Variants in MAP2K2 observed in about 807,000 individuals in gnomAD.
MAP2K2 encodes dual specificity mitogen-activated protein kinase kinase 2.
A neutral mutation model predicts 43.7 loss-of-function variants in MAP2K2; 24 were observed. The observed-to-expected ratio is 0.55, with a 90% CI of 0.40 to 0.77. The LOEUF (loss-of-function observed/expected upper bound fraction) is 0.77, where lower values mean the gene tolerates loss of function less well. MAP2K2 is among the 30% of genes least tolerant of loss of function. MAP2K2 has a pLI of 0.00. For synonymous variants in MAP2K2, 244 were observed against 239.7 expected, an observed-to-expected ratio of 1.02 and a Z score of -0.17; for missense variants, 470 against 566.8, an observed-to-expected ratio of 0.83 and a Z score of 1.73.
intron 1 of MAP2K2, among the ~76,000 whole-genome samples, chr19:4,122,183 T>C (rs1425040846): frequency 9.1e-5 from 1 of 11,018 alleles, no homozygotes; most frequent in Non-Finnish European, 1.5e-4. Flanking sequence ...CTCTCCCCCA[T>C]AGGAACCCTC....
intron 1 of MAP2K2, among the ~76,000 whole-genome samples, chr19:4,123,136 A>G (rs1487510388): frequency 6.7e-6 from 1 of 149,628 alleles, no homozygotes; most frequent in Non-Finnish European, 1.5e-5. Flanking sequence ...CTTCACCCTC[A>G]TTTCACTACT....
intron 6 of MAP2K2, chr19:4,100,648 T>G: frequency 3.5e-6 from 1 of 285,082 alleles, no homozygotes; most frequent in Non-Finnish European, 6.8e-6. Flanking sequence ...AGACCCCGTG[T>G]CTACAAAAGA....
At chr19:4,120,890 C>A (rs751091304) in intron 1 of MAP2K2, among the ~76,000 whole-genome samples, 14 of 145,410 alleles carry the variant, frequency 9.6e-5, no homozygotes, top group Non-Finnish European at 1.9e-4. Flanking sequence ...CCGTGTCTGG[C>A]TGTGCCCGTG....
intron 1 of MAP2K2, among the ~76,000 whole-genome samples, chr19:4,120,829 G>A (rs147325907): frequency 4.9e-4 from 75 of 152,274 alleles, no homozygotes; most frequent in African/African-American, 1.8e-3. Flanking sequence ...AACCCCACAC[G>A]GAAGAGAAAT....
chr19:4,123,542 G>GTCCTCCGAGGGCCCCCTGCCCCGTCC (rs1179803199), intron 1 of MAP2K2, among the ~76,000 whole-genome samples: 1 of 25,250 alleles, frequency 4.0e-5, no homozygotes. Flanking sequence ...CCTTCGCCCC[G>GTCCTCCGAGGGCCCCCTGCCCCGTCC]TCCTCCGAGG....
chr19:4,110,492 GC>G lies in MAP2K2; in HGVS notation c.450+16del. ...CCGTGGAGGCCCTGCCCCTGCCCCT[GC>G]CCCGGACGCACTCACCATGTGTTCC... On this transcript the variant is annotated intron_variant, in intron 3 of 10. Coordinates refer to ENST00000262948, the MANE Select transcript of MAP2K2 (RefSeq NM_030662.4). The G allele has an allele frequency of 6.2e-7, 1 of 1,612,294 alleles. No homozygotes were observed.
rs2041027086 is a variant in MAP2K2 at position 4,102,418 on chromosome 19, G to A, written c.486C>T (p.Ala162=). The A allele has an allele frequency of 6.2e-7, 1 of 1,606,780 alleles. No individual in the cohort carries two copies. The highest frequency in any genetic ancestry group is 8.5e-7 in the Non-Finnish European group (1 of 1,177,516). Residue 162 remains alanine (A), a synonymous_variant, in exon 4 of 11, where the codon GCC becomes GCT. Coordinates refer to ENST00000262948, the MANE Select transcript of MAP2K2 (RefSeq NM_030662.4). ...GGSLDQVLKE[A]KRIPEEILGK... ...CCAGGATCTCCTCGGGAATCCTCTT[G>A]GCCTCTTTCAGCACCTGGTCCAGGG...
At chr19:4,102,779 C>T (rs913926892) in intron 3 of MAP2K2, 32 of 1,263,108 alleles carry the variant, frequency 2.5e-5, no homozygotes, top group Non-Finnish European at 3.2e-5. Flanking sequence ...CGGCCGGGGG[C>T]TCAGGCAGCT....
chr19:4,099,432 A>AG lies in MAP2K2; in HGVS notation c.706-19dup. 1 of 1,583,734 alleles carries AG rather than the reference A, an allele frequency of 6.3e-7. No individual in the cohort carries two copies. Among genetic ancestry groups the AG allele is most frequent in the African/African-American group, 1.3e-5 (1 of 74,238 alleles). On this transcript the variant is annotated intron_variant, in intron 6 of 10. Transcript: ENST00000262948. ...CGCTCCGGCTGCAGCAGAGCCAGGG[A>AG]GGAAAGAGCCCAGAGGGGCGAGGAT...
At chr19:4,094,892 C>T in intron 9 of MAP2K2, 1 of 395,152 alleles carries the variant, frequency 2.5e-6, no homozygotes, top group Non-Finnish European at 4.7e-6. Flanking sequence ...CCACGGCGTC[C>T]CGAGCTCACA....
chr19:4,103,511 A>ACAGAGG (rs771804283), intron 3 of MAP2K2: 1,005 of 77,678 alleles, frequency 0.013, 7 homozygotes, highest in Non-Finnish European at 0.026. Context: ...GGAAAGTGGA[A>ACAGAGG]CTGAGGCTAG....
At chr19:4,117,762 G>A (rs1222526347) in intron 1 of MAP2K2, 133 bp from the exon 2 acceptor site, 1 of 809,690 alleles carries the variant, frequency 1.2e-6, no homozygotes, top group African/African-American at 1.7e-5. Context: ...TCATGGTGTA[G>A]AAGGAAAGGA....
At chr19:4,094,722 A>G (rs2040891223) in intron 9 of MAP2K2, 1 of 571,412 alleles carries the variant, frequency 1.8e-6, no homozygotes, top group Admixed American at 3.0e-5. Context: ...CCCCAGCGGG[A>G]GGGTGAGAGG....
intron 3 of MAP2K2, among the ~76,000 whole-genome samples, chr19:4,105,712 C>T (rs1454093383): frequency 3.9e-5 from 6 of 152,092 alleles, no homozygotes; most frequent in Admixed American, 1.3e-4. Flanking sequence ...AGGCAGGGGT[C>T]GCCCAGACTG....
chr19:4,112,708 C>T (rs1015119555), intron 2 of MAP2K2, among the ~76,000 whole-genome samples: 3 of 152,182 alleles, frequency 2.0e-5, no homozygotes, highest in Non-Finnish European at 4.4e-5. Context: ...CTTCTCCCCT[C>T]AGGCCAGCCT....
chr19:4,112,340 C>T (rs1343509975), intron 2 of MAP2K2, among the ~76,000 whole-genome samples: 1 of 152,200 alleles, frequency 6.6e-6, no homozygotes, highest in East Asian at 1.9e-4. Flanking sequence ...GGAGCAGCAA[C>T]AAGGAGGTGA....
At chr19:4,098,654 G>A (rs1400155121) in intron 7 of MAP2K2, among the ~76,000 whole-genome samples, 3 of 152,172 alleles carry the variant, frequency 2.0e-5, no homozygotes, top group Non-Finnish European at 2.9e-5. Context: ...CCTAAGTGCC[G>A]GATTGTCCTC....
Position 4,102,470 on chromosome 19 carries a change from G to A in MAP2K2, c.451-17C>T, listed in dbSNP as rs2145057971. ...GCCGCCGTCCTAGAGGGCACACAAGGAGTGAGTGCAGGCTCTGCGCAGGTG... is the reference window on the plus strand; with the variant it reads ...GCCGCCGTCCTAGAGGGCACACAAGAAGTGAGTGCAGGCTCTGCGCAGGTG... On this transcript the variant is annotated splice_polypyrimidine_tract_variant and intron_variant, in intron 3 of 10. Coordinates refer to ENST00000262948, the MANE Select transcript of MAP2K2 (RefSeq NM_030662.4). 1.3e-6 allele frequency: 2 copies of A among 1,567,944 alleles called. No individual in the cohort carries two copies. Among genetic ancestry groups the A allele is most frequent in the Non-Finnish European group, 1.7e-6 (2 of 1,149,248 alleles).
In MAP2K2 at chr19:4,115,158, C is replaced by T. The variant is rs1319324919; in HGVS notation, c.303+2261G>A. ...CCCGTGCGCCCTTTCCCCGCCTCCC[C>T]CAAGATGACTGACATCTTACATGAC... On this transcript the variant is annotated intron_variant, in intron 2 of 10. Coordinates refer to ENST00000262948, the MANE Select transcript of MAP2K2 (RefSeq NM_030662.4). This position sits in a 1 kb window ranked among gnomAD's most constrained non-coding sequence, Gnocchi z 4.1. 1.3e-5 allele frequency among the ~76,000 whole-genome samples: 2 copies of T among 152,190 alleles called. No homozygotes were observed. The highest frequency in any genetic ancestry group is 3.9e-4 in the East Asian group (2 of 5,172).
Sources: allele counts gnomAD v4.1 joint callset (sites outside exome capture counted in the v4.1 genomes callset), GRCh38; gene constraint gnomAD v4.1.1; non-coding constraint Gnocchi (gnomAD v3.1); transcripts MANE v1.5; gene names NCBI Gene and HGNC (gene_info 2026-07-23, HGNC 2026-07-21).